RELN: variants seen among roughly 807,000 people sequenced by gnomAD.
RELN encodes reelin.
In RELN, 108 loss-of-function variants were observed where a neutral mutation model predicts 427.6. The ratio of observed to expected loss-of-function variants is 0.25; its 90% confidence interval spans 0.22 to 0.30. The LOEUF (loss-of-function observed/expected upper bound fraction) is 0.30. RELN is among the 10% of genes least tolerant of loss of function. The pLI, the probability that RELN is intolerant of heterozygous loss-of-function variation, is 1.00. For synonymous variants in RELN, 1,524 were observed against 1,513.4 expected (o/e 1.01, Z -0.16); for missense variants, 3,715 against 4,302.8 (o/e 0.86, Z 3.82).
In RELN at chr7:103,563,183, C is replaced by T. The variant is rs1472757903; in HGVS notation, c.5211-1230G>A. On this transcript the variant is annotated intron_variant, in intron 34 of 64. Transcript: ENST00000428762. The surrounding 1 kb of genome is among the most constrained non-coding windows in gnomAD (Gnocchi z 4.1). The stretch of plus-strand genomic sequence containing the variant: ...CTCTGGTATCATCTTATAGCATAAA[C>T]AGCTGCTTAGAGGTTTGTTATCCTA... 6.6e-6 allele frequency among the ~76,000 whole-genome samples: 1 copy of T among 152,158 alleles called. No individual in the cohort carries two copies. Among genetic ancestry groups the T allele is most frequent in the Non-Finnish European group, 1.5e-5 (1 of 68,034 alleles).
At chr7:103,756,561 G>A (rs774460709) in intron 4 of RELN, among the ~76,000 whole-genome samples, 2 of 152,072 alleles carry the variant, frequency 1.3e-5, no homozygotes, top group Non-Finnish European at 2.9e-5. Flanking sequence ...CTACTCCTTA[G>A]TTGTAATATA....
At chr7:103,480,488 A>G (rs929208603) in intron 63 of RELN, among the ~76,000 whole-genome samples, 1 of 152,210 alleles carries the variant, frequency 6.6e-6, no homozygotes, top group Non-Finnish European at 1.5e-5. Flanking sequence ...GAAAAGAAGT[A>G]CTTTGAAAGG....
chr7:103,472,791 AAAAAT>A lies in RELN; in HGVS notation c.*16_*20del. The A allele has an allele frequency of 1.0e-5, 16 of 1,583,484 alleles. No homozygotes were observed. Among genetic ancestry groups the A allele is most frequent in the Non-Finnish European group, 1.3e-5 (15 of 1,152,142 alleles). On this transcript the variant is annotated 3_prime_UTR_variant, in exon 65 of 65. Coordinates refer to ENST00000428762, the MANE Select transcript of RELN (RefSeq NM_005045.4). ...GCAACACATCACATGTTGGAAGAAA[AAAAAT>A]AAACTTTTTGATTCTTCATGGGTAT...
intron 17 of RELN, among the ~76,000 whole-genome samples, chr7:103,639,396 TTC>T (rs1417735887): frequency 1.3e-5 from 2 of 151,386 alleles, no homozygotes; most frequent in Admixed American, 1.3e-4. Context: ...TTTTTTCTTT[TTC>T]TCTCTTTTTT....
At chr7:103,842,750 G>C (rs896399059) in intron 2 of RELN, among the ~76,000 whole-genome samples, 1 of 152,188 alleles carries the variant, frequency 6.6e-6, no homozygotes, top group Non-Finnish European at 1.5e-5. Context: ...CTGGAATTGT[G>C]TATCTATGGA....
Position 103,604,463 on chromosome 7 carries a change from C to T in RELN, c.3029G>A (p.Arg1010His), listed in dbSNP as rs373089551. 67 of 1,613,760 alleles carry T rather than the reference C, an allele frequency of 4.2e-5. No homozygotes were observed. Among genetic ancestry groups the T allele is most frequent in the Middle Eastern group, 1.6e-4 (1 of 6,080 alleles). The stretch of plus-strand genomic sequence containing the variant: ...AGCTGTGTAATAGCTCTGGCTCCAG[C>T]GGAAACGGGTAGCACTGGACCTAGA... ...QKTWSSATRF[R>H]WSQSYYTAQD... The change falls in exon 23 of 65, where the codon CGC (arginine) becomes CAC (histidine). Residue 1010 changes from arginine to histidine, a missense_variant. By Grantham distance (29) the Arg-to-His change is conservative. Coordinates refer to ENST00000428762, the MANE Select transcript of RELN (RefSeq NM_005045.4).
intron 60 of RELN, among the ~76,000 whole-genome samples, chr7:103,489,151 T>G (rs1828554719): frequency 6.6e-6 from 1 of 151,934 alleles, no homozygotes; most frequent in Non-Finnish European, 1.5e-5. Context: ...GGATATATAC[T>G]CAACCTCTAG....
chr7:103,852,866 T>C (rs1458414156), intron 2 of RELN, among the ~76,000 whole-genome samples: 1 of 152,076 alleles, frequency 6.6e-6, no homozygotes, highest in African/African-American at 2.4e-5. Flanking sequence ...TGATAAAATA[T>C]ATTTCATCAT....
chr7:103,975,712 AT>A (rs1187478144), intron 1 of RELN, among the ~76,000 whole-genome samples: 3,851 of 121,990 alleles, frequency 0.032, 140 homozygotes, highest in Admixed American at 0.081. Context: ...CGCCTGGCTG[AT>A]TTTTTTTTTT....
At chr7:103,635,658 A>G in intron 18 of RELN, 72 bp from the exon 19 acceptor site, 4 of 1,342,632 alleles carry the variant, frequency 3.0e-6, no homozygotes, top group Non-Finnish European at 4.2e-6. Context: ...TGGTCTTTAA[A>G]GAATTTCAAA....
At chr7:103,806,641 GAAA>G in intron 3 of RELN, among the ~76,000 whole-genome samples, 1 of 152,108 alleles carries the variant, frequency 6.6e-6, no homozygotes, top group African/African-American at 2.4e-5. Context: ...ACTTCTTATG[GAAA>G]AATATGATTT....
At chr7:103,490,907 G>C in intron 58 of RELN, 78 bp from the exon 59 acceptor site, 1 of 1,432,978 alleles carries the variant, frequency 7.0e-7, no homozygotes, top group East Asian at 2.3e-5. Context: ...AATGCTTTGT[G>C]ATCGGGTTAA....
intron 20 of RELN, among the ~76,000 whole-genome samples, chr7:103,615,638 T>A (rs1344320493): frequency 2.6e-5 from 4 of 152,146 alleles, no homozygotes; most frequent in Non-Finnish European, 5.9e-5. Context: ...ATAGAGAAGC[T>A]GAGTTGCTAG....
chr7:103,558,997 T>G (rs1215605666), intron 36 of RELN, among the ~76,000 whole-genome samples: 1 of 152,184 alleles, frequency 6.6e-6, no homozygotes, highest in African/African-American at 2.4e-5. Context: ...TGAAAAAAAT[T>G]TAAGTAGAGC....
At chr7:103,837,202 T>C (rs752861197) in intron 2 of RELN, among the ~76,000 whole-genome samples, 21 of 152,216 alleles carry the variant, frequency 1.4e-4, no homozygotes, top group Non-Finnish European at 3.1e-4. Flanking sequence ...CTCTCTGTCC[T>C]GTCTCACTCC....
At chr7:103,902,031 C>A (rs1046700820) in intron 2 of RELN, among the ~76,000 whole-genome samples, 4 of 151,958 alleles carry the variant, frequency 2.6e-5, no homozygotes, top group Admixed American at 2.6e-4. Flanking sequence ...TGCAACAGCA[C>A]AGTGTGGGGA....
intron 1 of RELN, among the ~76,000 whole-genome samples, chr7:103,943,580 G>A (rs1456700369): frequency 2.0e-5 from 3 of 152,090 alleles, no homozygotes; most frequent in Non-Finnish European, 4.4e-5. Context: ...GCCAGGCACG[G>A]TGGGTCCCGC....
intron 11 of RELN, among the ~76,000 whole-genome samples, chr7:103,673,387 C>T (rs1386833041): frequency 1.3e-5 from 2 of 152,054 alleles, no homozygotes; most frequent in Admixed American, 6.6e-5. Context: ...AGAACTTGGG[C>T]AGTATTTTAT....
At chr7:103,951,735 C>T (rs569488381) in intron 1 of RELN, among the ~76,000 whole-genome samples, 96 of 151,602 alleles carry the variant, frequency 6.3e-4, no homozygotes, top group Non-Finnish European at 1.2e-3. Context: ...TGCAGTGGCA[C>T]GATCTCAGCT....
Sources: gnomAD v4.1 joint callset for allele counts (sites outside exome capture counted in the v4.1 genomes callset) on GRCh38, gnomAD v4.1.1 for gene constraint, Gnocchi (gnomAD v3.1) non-coding constraint, MANE v1.5 for transcripts, NCBI Gene and HGNC (gene_info 2026-07-23, HGNC 2026-07-21) for gene names.